DYSF: variants seen among roughly 807,000 people sequenced by gnomAD.
DYSF encodes the protein dysferlin, also known as dystrophy-associated fer-1-like 1.
A neutral mutation model predicts 274.9 loss-of-function variants in DYSF; 212 were observed. The observed-to-expected ratio is 0.77, with a 90% confidence interval of 0.69 to 0.86. The LOEUF (loss-of-function observed/expected upper bound fraction) is 0.86, where lower values mean the gene tolerates loss of function less well. DYSF is among the 40% of genes least tolerant of loss of function. The pLI, the probability that DYSF is intolerant of heterozygous loss-of-function variation, is 0.00. For synonymous variants in DYSF, 1,091 were observed against 1,078.7 expected (o/e 1.01, Z -0.22); for missense variants, 2,666 against 2,783.2 (o/e 0.96, Z 0.95).
intron 39 of DYSF, 38 bp downstream of exon 39, chr2:71,612,844 G>C (rs551234007): frequency 2.2e-5 from 35 of 1,592,314 alleles, no homozygotes; most frequent in Non-Finnish European, 2.9e-5. Context: ...TCAGGGAAGG[G>C]GGAGCCTCAG....
Position 71,574,328 on chromosome 2 carries a change from A to G in DYSF, c.3359A>G (p.Glu1120Gly). The change falls in exon 30 of 56, where the codon GAG (glutamate) becomes GGG (glycine). Residue 1120 changes from glutamate (E) to glycine (G), a missense_variant. By Grantham distance (98) the Glu-to-Gly change is moderately conservative. Around this residue, in one of 3 missense-constraint regions of DYSF, gnomAD observed 1,460 missense variants for 1,502.1 expected, o/e 0.97. Transcript: ENST00000410020. ...RRWRRRMEPL[E>G]KTGPAAVFAL... Reference sequence around the variant, plus strand: ...TGGCGCCGTCGCATGGAGCCACTGGAGAAGACGGGGCCTGCAGCTGTGTTT... The same window carrying G: ...TGGCGCCGTCGCATGGAGCCACTGGGGAAGACGGGGCCTGCAGCTGTGTTT... The G allele has an allele frequency of 6.2e-7, 1 of 1,614,042 alleles. No individual in the cohort carries two copies. The highest frequency in any genetic ancestry group is 1.1e-5 in the South Asian group (1 of 91,076).
chr2:71,549,412 G>A, intron 17 of DYSF: 2 of 1,609,142 alleles, frequency 1.2e-6, no homozygotes, highest in Non-Finnish European at 1.7e-6. Flanking sequence ...GTCACCTTGG[G>A]GACAACCAGG....
rs141938789 is a variant in DYSF, at chr2:71,571,457, CAG to C, written c.3228+718_3228+719del. On this transcript the variant is annotated intron_variant, in intron 29 of 55. Transcript: ENST00000410020. ...ACACAGATCACACCCAGCACACACA[CAG>C]ATCACACCCAGCACACACACATCAC... is the stretch of plus-strand genomic sequence containing the variant. Among the ~76,000 whole-genome samples, 216 of 101,836 alleles carry C rather than the reference CAG, an allele frequency of 2.1e-3. 1 individual carries two copies. The highest frequency in any genetic ancestry group is 0.014 in the Middle Eastern group (2 of 144). The allele number at this position is 101,836 out of a possible 152,430, so 66.8% of individuals were successfully genotyped here.
chr2:71,654,551 G>A (rs552141696), intron 42 of DYSF, among the ~76,000 whole-genome samples: 49 of 152,066 alleles, frequency 3.2e-4, no homozygotes, highest in African/African-American at 1.1e-3. Flanking sequence ...GGGAGGCGGA[G>A]GTGGGAGGAT....
intron 23 of DYSF, among the ~76,000 whole-genome samples, chr2:71,563,555 A>T (rs1326751184): frequency 2.0e-5 from 3 of 152,160 alleles, no homozygotes; most frequent in Admixed American, 6.5e-5. Flanking sequence ...TCTTCAGGCC[A>T]TGGGAGTCCT....
chr2:71,653,735 C>A (rs1399328872), intron 42 of DYSF, among the ~76,000 whole-genome samples: 1 of 151,632 alleles, frequency 6.6e-6, no homozygotes, highest in East Asian at 1.9e-4. Context: ...GGGTGCAGCA[C>A]ACCAACATGG....
At chr2:71,645,821 C>T (rs1163784959) in intron 42 of DYSF, among the ~76,000 whole-genome samples, 1 of 152,138 alleles carries the variant, frequency 6.6e-6, no homozygotes, top group Non-Finnish European at 1.5e-5. Flanking sequence ...ATGGGGGAGA[C>T]TCTGTACCCC....
At chr2:71,544,797 A>C (rs967802306) in intron 17 of DYSF, among the ~76,000 whole-genome samples, 9 of 152,176 alleles carry the variant, frequency 5.9e-5, no homozygotes. Context: ...ATCCTTCCGT[A>C]AATGTAGGCA....
chr2:71,660,494 A>T lies in DYSF; in HGVS notation c.4912-66A>T, dbSNP rs2094858938. ...CCCTCATCCCATCCAGAGGCAAGGC[A>T]CTCATGAAGCCTCAAAGACAGGTTT... On this transcript the variant is annotated intron_variant, in intron 44 of 55. Coordinates refer to ENST00000410020, the MANE Select transcript of DYSF (RefSeq NM_001130987.2). The T allele has an allele frequency of 5.8e-6, 8 of 1,375,066 alleles. No individual in the cohort carries two copies. The Admixed American group carries it at 1.0e-4, about 17-fold the overall frequency. 85.2% of individuals were successfully genotyped at this position (1,375,066 alleles called of 1,614,324 possible).
At chr2:71,591,160 C>G (rs2093252342) in intron 32 of DYSF, among the ~76,000 whole-genome samples, 2 of 152,250 alleles carry the variant, frequency 1.3e-5, no homozygotes, top group African/African-American at 4.8e-5. Flanking sequence ...CCATGTCTGG[C>G]CTTTGCACTC....
In DYSF at chr2:71,513,244, G is replaced by A. The variant is rs1478121124; in HGVS notation, c.465G>A (p.Gly155=). ...TLPDLDVVAG[G]GQSRAETWSL... is the part of the protein sequence containing the mutation. Reference sequence around the variant, plus strand: ...TATGCCCTGCCCACAAGACAGGCGGGGGACAGAGCCGGGCCGAGACTTGGT... The same window carrying A: ...TATGCCCTGCCCACAAGACAGGCGGAGGACAGAGCCGGGCCGAGACTTGGT... Residue 155 remains glycine (G), a synonymous_variant, in exon 6 of 56, where the codon GGG becomes GGA. Coordinates refer to ENST00000410020, the MANE Select transcript of DYSF (RefSeq NM_001130987.2). 5.2e-6 allele frequency: 8 copies of A among 1,551,540 alleles called. No individual in the cohort carries two copies. The highest frequency in any genetic ancestry group is 6.1e-6 in the Non-Finnish European group (7 of 1,146,982).
intron 19 of DYSF, 101 bp downstream of exon 19, chr2:71,551,821 C>T (rs2152788402): frequency 3.2e-6 from 3 of 950,104 alleles, no homozygotes; most frequent in Non-Finnish European, 1.6e-6. Context: ...GAGGAGGAAG[C>T]TCTGCCCACA....
intron 52 of DYSF, among the ~76,000 whole-genome samples, chr2:71,677,451 A>G (rs1045786589): frequency 6.6e-6 from 1 of 152,194 alleles, no homozygotes; most frequent in Non-Finnish European, 1.5e-5. Flanking sequence ...AAACCACATG[A>G]AATTGCTGTT....
intron 35 of DYSF, among the ~76,000 whole-genome samples, chr2:71,602,415 C>T (rs530086956): frequency 6.6e-6 from 1 of 152,280 alleles, no homozygotes; most frequent in South Asian, 2.1e-4. Context: ...GTTGGTTCTC[C>T]TCAGCTTGCC....
At chr2:71,602,257 C>T (rs1467560149) in intron 35 of DYSF, among the ~76,000 whole-genome samples, 1 of 152,166 alleles carries the variant, frequency 6.6e-6, no homozygotes, top group Non-Finnish European at 1.5e-5. Context: ...CCTCCATTGT[C>T]CTTCACAAGG....
intron 14 of DYSF, among the ~76,000 whole-genome samples, chr2:71,532,949 C>T (rs969876943): frequency 8.5e-5 from 13 of 152,108 alleles, no homozygotes; most frequent in Admixed American, 8.5e-4. Context: ...TCAAAGAAAA[C>T]CACTGCAATT....
At chr2:71,643,845 C>T (rs1451544135) in intron 41 of DYSF, 120 bp from the exon 42 acceptor site, 16 of 770,216 alleles carry the variant, frequency 2.1e-5, no homozygotes, top group South Asian at 1.6e-4. Flanking sequence ...CCCCACATCA[C>T]CCTTAGGAAA....
rs542127612 is a variant in DYSF, at chr2:71,628,767, G to C, written c.4527+8158G>C. 2.0e-3 allele frequency among the ~76,000 whole-genome samples: 305 copies of C among 152,060 alleles called. 2 individuals are homozygous for C. The highest frequency in any genetic ancestry group is 9.8e-3 in the South Asian group (47 of 4,808). On this transcript the variant is annotated intron_variant, in intron 41 of 55. Transcript: ENST00000410020. ...GAGTTCGAGACCAACCTGGGCAATG[G>C]TAGCAAAACCCCGTCTCTACAAAAA...
intron 45 of DYSF, 84 bp downstream of exon 45, chr2:71,660,735 G>T (rs919907914): frequency 7.6e-6 from 9 of 1,184,800 alleles, no homozygotes; most frequent in Non-Finnish European, 1.1e-5. Context: ...GACTGGCACT[G>T]TGAAGTCCGT....
Sources: allele counts gnomAD v4.1 joint callset (sites outside exome capture counted in the v4.1 genomes callset), GRCh38; gene constraint gnomAD v4.1.1; regional missense constraint gnomAD v4.1.1; transcripts MANE v1.5; gene names NCBI Gene and HGNC (gene_info 2026-07-23, HGNC 2026-07-21).